Variants in UNC13C observed in about 807,000 individuals in gnomAD.
UNC13C encodes unc-13 homolog C.
In UNC13C, 174 loss-of-function variants were observed where a neutral mutation model predicts 245.4. The ratio of observed to expected loss-of-function variants is 0.71; its 90% CI spans 0.63 to 0.80. The LOEUF (loss-of-function observed/expected upper bound fraction) is 0.80. Among genes scored for constraint, UNC13C ranks in the 30% least tolerant of loss-of-function variants. The pLI is 0.00. For synonymous variants in UNC13C, 992 were observed against 895.1 expected, an observed-to-expected ratio of 1.11 and a Z score of -1.93; for missense variants, 2,829 against 2,602.9, an observed-to-expected ratio of 1.09 and a Z score of -1.89.
intron 4 of UNC13C, among the ~76,000 whole-genome samples, chr15:54,218,927 C>T (rs888805023): frequency 1.3e-5 from 2 of 151,944 alleles, no homozygotes; most frequent in African/African-American, 4.8e-5. Flanking sequence ...AACTACAAAC[C>T]ACTGCTCAAT....
rs79524585 is a variant in UNC13C, at chr15:54,228,378, C to T, written c.3072-6652C>T. 1.0e-2 allele frequency among the ~76,000 whole-genome samples: 1,520 copies of T among 152,228 alleles called. 40 individuals carry two copies. The highest frequency in any genetic ancestry group is 0.035 in the African/African-American group (1,440 of 41,530). ...CCAAGCTGGTACCTAAGCTGCAAGA[C>T]AAAATCTCCTTCACCCTTTTCTCTC... is the stretch of plus-strand genomic sequence containing the variant. On this transcript the variant is annotated intron_variant, in intron 4 of 32. Coordinates refer to ENST00000260323, the MANE Select transcript of UNC13C (RefSeq NM_001080534.3).
intron 10 of UNC13C, among the ~76,000 whole-genome samples, chr15:54,266,402 C>G (rs550658606): frequency 6.6e-6 from 1 of 151,834 alleles, no homozygotes; most frequent in Non-Finnish European, 1.5e-5. Context: ...TATCCCTTTA[C>G]GTGTTAAAAT....
At chr15:53,983,857 G>C (rs1030349916) in intron 1 of UNC13C, among the ~76,000 whole-genome samples, 2 of 151,864 alleles carry the variant, frequency 1.3e-5, no homozygotes, top group Non-Finnish European at 2.9e-5. Context: ...CAGCTTCTCA[G>C]ACCCAAATCT....
At position 54,013,195 on chromosome 15, in the gene UNC13C, A is replaced by G. The variant is rs766056722; in HGVS notation, c.292A>G (p.Ile98Val). Reference protein sequence around the residue: ...LSPTFSYRVAIANGLQKNAKV... With the variant: ...LSPTFSYRVAVANGLQKNAKV... ...ACCAACATTCAGTTACCGAGTAGCTATTGCCAATGGCCTACAAAAGAATGC... is the reference window on the plus strand; with the variant it reads ...ACCAACATTCAGTTACCGAGTAGCTGTTGCCAATGGCCTACAAAAGAATGC... The change falls in exon 2 of 33, where the codon ATT becomes GTT. Residue 98 changes from isoleucine (I) to valine (V), a missense_variant. By Grantham distance (29) the Ile-to-Val change is conservative. Transcript: ENST00000260323. The G allele has an allele frequency of 5.0e-5, 81 of 1,613,858 alleles. No individual in the cohort carries two copies. The South Asian group carries it at 5.8e-4, about 12-fold the overall frequency.
chr15:53,861,388 A>T, the UNC13C span, among the ~76,000 whole-genome samples: 1 of 152,336 alleles, frequency 6.6e-6, no homozygotes, highest in Non-Finnish European at 1.5e-5. Flanking sequence ...TTAAATAGCC[A>T]TCTGAAACAT....
At chr15:54,216,989 G>C (rs2035060169) in intron 4 of UNC13C, among the ~76,000 whole-genome samples, 1 of 151,910 alleles carries the variant, frequency 6.6e-6, no homozygotes, top group South Asian at 2.1e-4. Context: ...GGTTACTTTA[G>C]AGTACTATGT....
the UNC13C span, among the ~76,000 whole-genome samples, chr15:53,890,648 G>A: frequency 1.3e-5 from 2 of 152,314 alleles, no homozygotes; most frequent in Non-Finnish European, 2.9e-5. Flanking sequence ...TAGTTTATTT[G>A]CGTAGAGGTG....
chr15:53,996,604 C>G (rs1437494577), intron 1 of UNC13C, among the ~76,000 whole-genome samples: 2 of 152,116 alleles, frequency 1.3e-5, no homozygotes. Flanking sequence ...CCCTAGAAAG[C>G]TTTCTCATAT....
chr15:54,280,687 TATAAAC>T (rs2036960276), intron 10 of UNC13C, among the ~76,000 whole-genome samples: 2 of 87,840 alleles, frequency 2.3e-5, no homozygotes, highest in African/African-American at 1.5e-4. Context: ...TATATACATA[TATAAAC>T]ATATGTATAC....
rs565182394 is a variant in UNC13C, at chr15:54,440,899, C to A, written c.4933+25832C>A. The stretch of plus-strand genomic sequence containing the variant: ...TCATTGTGGTTTTGATTTGCATTTC[C>A]CTGATGATTAGTGATGTCGAGCATT... On this transcript the variant is annotated intron_variant, in intron 19 of 32. Coordinates refer to ENST00000260323, the MANE Select transcript of UNC13C (RefSeq NM_001080534.3). 2.6e-5 allele frequency among the ~76,000 whole-genome samples: 4 copies of A among 151,784 alleles called. No homozygotes were observed. In the East Asian group the frequency reaches 7.8e-4, roughly 29 times the overall value.
At chr15:54,194,325 G>C (rs1297587023) in intron 4 of UNC13C, among the ~76,000 whole-genome samples, 1 of 152,034 alleles carries the variant, frequency 6.6e-6, no homozygotes, top group Admixed American at 6.6e-5. Flanking sequence ...CTCTTAAATT[G>C]CACCCTTAGC....
At chr15:53,900,114 A>G in the UNC13C span, among the ~76,000 whole-genome samples, 1 of 152,264 alleles carries the variant, frequency 6.6e-6, no homozygotes, top group African/African-American at 2.4e-5. Flanking sequence ...ATCTTCAATC[A>G]TATTATTCCG....
At chr15:54,237,724 A>G (rs1486559081) in intron 7 of UNC13C, 34 bp downstream of exon 7, 1 of 1,501,674 alleles carries the variant, frequency 6.7e-7, no homozygotes, top group Admixed American at 1.8e-5. Context: ...ATATCTAACT[A>G]GATATTGCTC....
Position 54,013,009 on chromosome 15 carries a change from C to G in UNC13C, c.106C>G (p.Arg36Gly), listed in dbSNP as rs201863524. Reference sequence around the variant, plus strand: ...AAATACAAACAAAAACAAAGAGTATCGTCAGCAGAAAAAGGATCAAGACTT... The same window carrying G: ...AAATACAAACAAAAACAAAGAGTATGGTCAGCAGAAAAAGGATCAAGACTT... ...LGNTNKNKEY[R>G]QQKKDQDFPT... Residue 36 changes from arginine (R) to glycine (G), a missense_variant, in exon 2 of 33, where the codon CGT (arginine) becomes GGT (glycine). Coordinates refer to ENST00000260323, the MANE Select transcript of UNC13C (RefSeq NM_001080534.3). 3.1e-6 allele frequency: 5 copies of G among 1,613,674 alleles called. No homozygotes were observed. In the East Asian group the frequency reaches 8.9e-5, roughly 29 times the overall value.
intron 2 of UNC13C, among the ~76,000 whole-genome samples, chr15:54,042,377 G>A (rs1337678229): frequency 6.6e-6 from 1 of 152,170 alleles, no homozygotes; most frequent in Non-Finnish European, 1.5e-5. Context: ...CACACCTGCA[G>A]GTTTAGGCAA....
At chr15:54,254,557 G>T (rs955954156) in intron 8 of UNC13C, among the ~76,000 whole-genome samples, 1 of 152,202 alleles carries the variant, frequency 6.6e-6, no homozygotes, top group African/African-American at 2.4e-5. Context: ...ATAACCTGTT[G>T]TGGTTTAAAT....
At chr15:54,287,214 T>C (rs2037173205) in intron 10 of UNC13C, among the ~76,000 whole-genome samples, 1 of 152,158 alleles carries the variant, frequency 6.6e-6, no homozygotes, top group Non-Finnish European at 1.5e-5. Context: ...TGAGGATATT[T>C]CTCTTGCTGT....
intron 17 of UNC13C, among the ~76,000 whole-genome samples, chr15:54,392,119 C>T (rs922428042): frequency 5.3e-5 from 8 of 151,942 alleles, no homozygotes; most frequent in African/African-American, 1.9e-4. Flanking sequence ...TATACTTAAG[C>T]GAAAATGTAT....
Position 54,186,836 on chromosome 15 carries a change from A to T in UNC13C, c.3071+43152A>T, listed in dbSNP as rs945956684. On this transcript the variant is annotated intron_variant, in intron 4 of 32. Transcript: ENST00000260323. ...GTCCACTGACACATACAAAGAACAT[A>T]ATATATATGTATATATATATTTTGT... is the stretch of plus-strand genomic sequence containing the variant. Among the ~76,000 whole-genome samples the T allele has an allele frequency of 5.9e-3, 742 of 125,448 alleles. 12 individuals carry two copies. Among genetic ancestry groups the T allele is most frequent in the Non-Finnish European group, 9.2e-3 (541 of 59,084 alleles). 82.3% of individuals were successfully genotyped at this position (125,448 alleles called of 152,430 possible).
Sources: allele counts gnomAD v4.1 joint callset (sites outside exome capture counted in the v4.1 genomes callset), GRCh38; gene constraint gnomAD v4.1.1; transcripts MANE v1.5; gene names NCBI Gene and HGNC (gene_info 2026-07-23, HGNC 2026-07-21).